Variants in LBH observed in about 807,000 individuals in gnomAD.
LBH encodes LBH regulator of Wnt signaling pathway.
A neutral mutation model predicts 12.5 loss-of-function variants in LBH; 7 were observed. The observed-to-expected ratio is 0.56, with a 90% CI of 0.32 to 1.05. The LOEUF (loss-of-function observed/expected upper bound fraction) is 1.05, where lower values mean the gene tolerates loss of function less well. Among genes scored for constraint, LBH ranks in the 50% least tolerant of loss-of-function variants. The pLI is 0.04. For missense variants in LBH, 119 were observed against 138.9 expected, an observed-to-expected ratio of 0.86 and a Z score of 0.72; for synonymous variants, 51 against 50.1, an observed-to-expected ratio of 1.02 and a Z score of -0.08.
At chr2:30,254,792 A>G (rs1678050920) in intron 2 of LBH, among the ~76,000 whole-genome samples, 1 of 152,218 alleles carries the variant, frequency 6.6e-6, no homozygotes, top group African/African-American at 2.4e-5. Flanking sequence ...AGGCAGGGCC[A>G]GGCTCTTCAC....
At chr2:30,240,473 G>A (rs993391539) in intron 2 of LBH, among the ~76,000 whole-genome samples, 8 of 152,150 alleles carry the variant, frequency 5.3e-5, no homozygotes, top group East Asian at 1.9e-4. Flanking sequence ...CACACAGGGC[G>A]TAGACTTGCT....
In LBH at chr2:30,234,341, C is replaced by T. The variant is rs1677643263; in HGVS notation, c.27-64C>T. ...TCCCCTGATCCCACAGCAGTGAATG[C>T]ATGAAGAGTTAGGAATGTGAAAGCG... On this transcript the variant is annotated intron_variant, in intron 1 of 2. Coordinates refer to ENST00000395323, the MANE Select transcript of LBH (RefSeq NM_030915.4). 1.4e-5 allele frequency: 17 copies of T among 1,210,450 alleles called. No homozygotes were observed. In the South Asian group the frequency reaches 1.9e-4, roughly 14 times the overall value. The allele number at this position is 1,210,450 out of a possible 1,614,324, so 75.0% of individuals were successfully genotyped here. A position where few individuals can be genotyped will look rare whatever the true frequency, so the allele number is the denominator to read the frequency against.
At chr2:30,241,503 A>C (rs1276111950) in intron 2 of LBH, among the ~76,000 whole-genome samples, 1 of 131,452 alleles carries the variant, frequency 7.6e-6, no homozygotes. Flanking sequence ...CTTGTTGCCC[A>C]GGCTGAAGTG....
Position 30,258,357 on chromosome 2 carries a change from A to G in LBH, c.*736A>G, listed in dbSNP as rs937470922. ...GTGGTAGGCTCACATAGCCAGTGTG[A>G]TCGGTTTTTAAGAGGCAGTGCTTTT... is the stretch of plus-strand genomic sequence containing the variant. On this transcript the variant is annotated 3_prime_UTR_variant, in exon 3 of 3. Transcript: ENST00000395323. 6.6e-6 allele frequency: 1 copy of G among 152,184 alleles called. No individual in the cohort carries two copies. Among genetic ancestry groups the G allele is most frequent in the African/African-American group, 2.4e-5 (1 of 41,412 alleles). The allele number at this position is 152,184 out of a possible 1,614,324, so 9.4% of individuals were successfully genotyped here.
chr2:30,248,498 TGCGGGGATA>T (rs1391858631), intron 2 of LBH, among the ~76,000 whole-genome samples: 1 of 152,136 alleles, frequency 6.6e-6, no homozygotes, highest in Non-Finnish European at 1.5e-5. Flanking sequence ...AAAAAAAGAA[TGCGGGGATA>T]GTTAGAAATG....
Position 30,231,579 on chromosome 2 carries a change from C to A in LBH, c.-160C>A. 2 of 665,436 alleles carry A rather than the reference C, an allele frequency of 3.0e-6. No individual in the cohort carries two copies. The highest frequency in any genetic ancestry group is 5.4e-6 in the Non-Finnish European group (2 of 372,392). 41.2% of individuals were successfully genotyped at this position (665,436 alleles called of 1,614,324 possible). On this transcript the variant is annotated 5_prime_UTR_variant, in exon 1 of 3. Coordinates refer to ENST00000395323, the MANE Select transcript of LBH (RefSeq NM_030915.4). ...CGGGGAGTTGTGTCCACCTTGCCGA[C>A]GTCGCTAGCCGTGGGGCTGTCCTGG... is the stretch of plus-strand genomic sequence containing the variant.
At chr2:30,240,259 A>G (rs964676491) in intron 2 of LBH, among the ~76,000 whole-genome samples, 5 of 152,186 alleles carry the variant, frequency 3.3e-5, no homozygotes, top group Non-Finnish European at 5.9e-5. Context: ...CAATTTTTAT[A>G]GGATCAGCAT....
intron 1 of LBH, chr2:30,232,249 GGGA>G: frequency 2.0e-6 from 1 of 506,792 alleles, no homozygotes; most frequent in Non-Finnish European, 3.6e-6. Context: ...GGTGGGGGGC[GGGA>G]AACGCTCTCC....
chr2:30,259,589 G>A lies in LBH; in HGVS notation c.*1968G>A, dbSNP rs1678154293. 6.5e-6 allele frequency: 1 copy of A among 152,672 alleles called. No individual in the cohort carries two copies. The highest frequency in any genetic ancestry group is 6.5e-5 in the Admixed American group (1 of 15,282). 9.5% of individuals were successfully genotyped at this position (152,672 alleles called of 1,614,324 possible). On this transcript the variant is annotated 3_prime_UTR_variant, in exon 3 of 3. Coordinates refer to ENST00000395323, the MANE Select transcript of LBH (RefSeq NM_030915.4). ...CTGAATCACCTGTCCTGGTCTTGCT[G>A]TGTGATGGGAACATGCTTGTAAACT...
In LBH at chr2:30,259,610, A is replaced by G. The variant is rs966694642; in HGVS notation, c.*1989A>G. On this transcript the variant is annotated 3_prime_UTR_variant, in exon 3 of 3. Coordinates refer to ENST00000395323, the MANE Select transcript of LBH (RefSeq NM_030915.4). Reference sequence around the variant, plus strand: ...TGCTGTGTGATGGGAACATGCTTGTAAACTGCGTAACAAATCTACTTTGTG... The same window carrying G: ...TGCTGTGTGATGGGAACATGCTTGTGAACTGCGTAACAAATCTACTTTGTG... The G allele has an allele frequency of 2.0e-5, 3 of 152,558 alleles. No homozygotes were observed. Among genetic ancestry groups the G allele is most frequent in the Non-Finnish European group, 4.4e-5 (3 of 68,100 alleles). The allele number at this position is 152,558 out of a possible 1,614,324, so 9.5% of individuals were successfully genotyped here.
chr2:30,247,700 T>G (rs1458957619), intron 2 of LBH, among the ~76,000 whole-genome samples: 3 of 152,228 alleles, frequency 2.0e-5, no homozygotes, highest in Non-Finnish European at 4.4e-5. Context: ...AACTGTCCAT[T>G]TCACTGTGCC....
intron 1 of LBH, chr2:30,232,071 C>T (rs945137952): frequency 6.6e-7 from 1 of 1,510,040 alleles, no homozygotes. Context: ...ATGAAACCAC[C>T]CTATGCGGAG....
At chr2:30,250,131 G>A (rs1036554606) in intron 2 of LBH, among the ~76,000 whole-genome samples, 10 of 152,160 alleles carry the variant, frequency 6.6e-5, no homozygotes, top group African/African-American at 2.2e-4. Flanking sequence ...GTCTGCCTGT[G>A]GGAAGAGCAA....
At chr2:30,249,548 G>T (rs1386647375) in intron 2 of LBH, among the ~76,000 whole-genome samples, 1 of 152,220 alleles carries the variant, frequency 6.6e-6, no homozygotes, top group Non-Finnish European at 1.5e-5. Flanking sequence ...TGGGGGCGGG[G>T]TAGTGACAAG....
At chr2:30,243,043 C>T (rs1418384247) in intron 2 of LBH, among the ~76,000 whole-genome samples, 1 of 152,124 alleles carries the variant, frequency 6.6e-6, no homozygotes, top group Non-Finnish European at 1.5e-5. Flanking sequence ...ATAGAATCTC[C>T]AGGGTAGAAC....
chr2:30,239,779 G>A (rs1677755529), intron 2 of LBH, among the ~76,000 whole-genome samples: 1 of 152,192 alleles, frequency 6.6e-6, no homozygotes, highest in African/African-American at 2.4e-5. Flanking sequence ...GCCCGTGTCT[G>A]CACATTCTGC....
intron 2 of LBH, among the ~76,000 whole-genome samples, chr2:30,253,926 C>G (rs1198344998): frequency 6.6e-6 from 1 of 152,156 alleles, no homozygotes; most frequent in East Asian, 1.9e-4. Flanking sequence ...TAGTGAGCAC[C>G]TGGGTTGTGT....
chr2:30,232,164 T>G, intron 1 of LBH: 1 of 1,476,816 alleles, frequency 6.8e-7, no homozygotes, highest in Non-Finnish European at 9.0e-7. Flanking sequence ...TTTGTTTGCA[T>G]GCAAGTCTCA....
At chr2:30,248,891 G>C (rs114691864) in intron 2 of LBH, among the ~76,000 whole-genome samples, 3,998 of 152,312 alleles carry the variant, frequency 0.026, 66 homozygotes, top group Middle Eastern at 0.085. Context: ...TTTCTTTTAA[G>C]TTTCAAGGCT....
Sources: gnomAD v4.1 joint callset for allele counts (sites outside exome capture counted in the v4.1 genomes callset) on GRCh38, gnomAD v4.1.1 for gene constraint, MANE v1.5 for transcripts, NCBI Gene and HGNC (gene_info 2026-07-23, HGNC 2026-07-21) for gene names.